NLGN1: variants seen among roughly 807,000 people sequenced by gnomAD.
NLGN1 encodes neuroligin-1.
A neutral mutation model predicts 65.5 loss-of-function variants in NLGN1; 12 were observed. That is an observed-to-expected ratio of 0.18 (90% CI 0.12 to 0.30). The LOEUF (loss-of-function observed/expected upper bound fraction) is 0.30, where lower values mean the gene tolerates loss of function less well. NLGN1 is among the 10% of genes least tolerant of loss of function. The probability of loss-of-function intolerance (pLI) is 1.00; values close to 1 mark genes in which losing one functional copy is unlikely to be tolerated. For missense variants in NLGN1, 750 were observed against 1,007.1 expected (o/e 0.74, Z 3.46); for synonymous variants, 350 against 359.5 (o/e 0.97, Z 0.30).
chr3:173,539,643 C>T, intron 2 of NLGN1, among the ~76,000 whole-genome samples: 1 of 59,988 alleles, frequency 1.7e-5, no homozygotes, highest in Admixed American at 2.0e-4. Context: ...CACATATATA[C>T]ATATATAACA....
At chr3:173,516,739 A>G (rs897567188) in intron 2 of NLGN1, among the ~76,000 whole-genome samples, 1 of 152,062 alleles carries the variant, frequency 6.6e-6, no homozygotes, top group Non-Finnish European at 1.5e-5. Context: ...TTTTCATGGT[A>G]TTCTCTATCA....
chr3:173,995,927 CCTT>C (rs1312268053), intron 4 of NLGN1, among the ~76,000 whole-genome samples: 2 of 152,120 alleles, frequency 1.3e-5, no homozygotes, highest in Non-Finnish European at 2.9e-5. Flanking sequence ...TTTAAGCTAT[CCTT>C]CTGCCTCTTC....
intron 4 of NLGN1, among the ~76,000 whole-genome samples, chr3:174,233,486 C>CATAATA (rs57467873): frequency 0.017 from 2,486 of 146,904 alleles, 32 homozygotes; most frequent in Non-Finnish European, 0.023. Flanking sequence ...AACTCTGTCT[C>CATAATA]ATAATAATAA....
chr3:173,742,276 TAGG>T (rs1349926446), intron 3 of NLGN1, among the ~76,000 whole-genome samples: 1 of 152,150 alleles, frequency 6.6e-6, no homozygotes, highest in Non-Finnish European at 1.5e-5. Flanking sequence ...GGGATGTGAT[TAGG>T]AGAACTCAGA....
intron 2 of NLGN1, among the ~76,000 whole-genome samples, chr3:173,517,925 C>G (rs1378162225): frequency 6.6e-6 from 1 of 152,178 alleles, no homozygotes; most frequent in Non-Finnish European, 1.5e-5. Flanking sequence ...TAGTGGACAA[C>G]TAGACTGTTC....
intron 4 of NLGN1, among the ~76,000 whole-genome samples, chr3:174,040,573 A>G (rs1732064543): frequency 6.6e-6 from 1 of 152,168 alleles, no homozygotes; most frequent in East Asian, 1.9e-4. Flanking sequence ...TCATTAGAGG[A>G]CACTACTGAG....
chr3:173,952,614 C>G (rs1036700566), intron 4 of NLGN1, among the ~76,000 whole-genome samples: 3 of 151,726 alleles, frequency 2.0e-5, no homozygotes, highest in African/African-American at 7.3e-5. Flanking sequence ...ATAGCTGTTT[C>G]ATGATTTCCC....
intron 4 of NLGN1, among the ~76,000 whole-genome samples, chr3:173,874,103 A>T (rs971127074): frequency 6.6e-6 from 1 of 152,166 alleles, no homozygotes; most frequent in Non-Finnish European, 1.5e-5. Flanking sequence ...AGCCTCCAGA[A>T]CTGTGAGAAA....
At chr3:173,968,492 A>G (rs1715375868) in intron 4 of NLGN1, among the ~76,000 whole-genome samples, 1 of 152,024 alleles carries the variant, frequency 6.6e-6, no homozygotes, top group Admixed American at 6.6e-5. Context: ...AAATGAGTCA[A>G]TGACCATTTT....
chr3:173,449,446 G>T (rs551216400), intron 2 of NLGN1, among the ~76,000 whole-genome samples: 56 of 152,224 alleles, frequency 3.7e-4, no homozygotes, highest in Non-Finnish European at 6.5e-4. Flanking sequence ...TATAATTTCT[G>T]TTCTTTTACA....
intron 2 of NLGN1, among the ~76,000 whole-genome samples, chr3:173,595,374 A>T (rs908077039): frequency 3.9e-5 from 6 of 152,212 alleles, no homozygotes; most frequent in African/African-American, 1.4e-4. Flanking sequence ...TTGCTAAAAC[A>T]TAACAAGAGT....
At chr3:174,049,936 G>C (rs1253052468) in intron 4 of NLGN1, among the ~76,000 whole-genome samples, 1 of 151,946 alleles carries the variant, frequency 6.6e-6, no homozygotes, top group Non-Finnish European at 1.5e-5. Context: ...GCGTTTGGGA[G>C]TTAAGACTGA....
At chr3:174,205,525 TC>T (rs200250036) in intron 4 of NLGN1, among the ~76,000 whole-genome samples, 2,168 of 152,284 alleles carry the variant, frequency 0.014, 61 homozygotes, top group African/African-American at 0.049. Context: ...TTTCAACTCC[TC>T]AGGACTTTTC....
chr3:173,860,690 C>T (rs1055970086), intron 4 of NLGN1, among the ~76,000 whole-genome samples: 1 of 152,088 alleles, frequency 6.6e-6, no homozygotes, highest in African/African-American at 2.4e-5. Flanking sequence ...TGGATCCAAC[C>T]CTCTAGTCTG....
chr3:174,204,834 CT>C (rs1735108269), intron 4 of NLGN1, among the ~76,000 whole-genome samples: 1 of 118,654 alleles, frequency 8.4e-6, no homozygotes, highest in Admixed American at 9.5e-5. Flanking sequence ...TGCATATTAA[CT>C]AAACTTCAAA....
chr3:173,453,254 ATGT>A (rs1721941654), intron 2 of NLGN1, among the ~76,000 whole-genome samples: 1 of 151,900 alleles, frequency 6.6e-6, no homozygotes, highest in Non-Finnish European at 1.5e-5. Flanking sequence ...CACCTGGCTA[ATGT>A]TGTACGTGTG....
At chr3:173,549,782 G>A (rs1560422479) in intron 2 of NLGN1, among the ~76,000 whole-genome samples, 1 of 152,030 alleles carries the variant, frequency 6.6e-6, no homozygotes, top group South Asian at 2.1e-4. Context: ...GGATTTGAAG[G>A]ACAAGCCAAT....
intron 2 of NLGN1, among the ~76,000 whole-genome samples, chr3:173,530,737 A>T (rs1367796092): frequency 6.6e-6 from 1 of 152,168 alleles, no homozygotes; most frequent in Non-Finnish European, 1.5e-5. Flanking sequence ...ATGCTGAGCA[A>T]ATGCCTGCTC....
chr3:174,151,959 C>T (rs1724440149), intron 4 of NLGN1, among the ~76,000 whole-genome samples: 1 of 152,028 alleles, frequency 6.6e-6, no homozygotes, highest in South Asian at 2.1e-4. Context: ...TTTTGAACCT[C>T]ATAATGTGAA....
Sources: gnomAD v4.1 joint callset for allele counts (sites outside exome capture counted in the v4.1 genomes callset) on GRCh38, gnomAD v4.1.1 for gene constraint, MANE v1.5 for transcripts, NCBI Gene and HGNC (gene_info 2026-07-23, HGNC 2026-07-21) for gene names.